The following CNTN5 variants were observed in gnomAD, a reference collection of about 807,000 sequenced individuals.
CNTN5 encodes contactin-5.
CNTN5 carries 77 observed loss-of-function variants against 129.1 expected under a neutral mutation model. The ratio of observed to expected loss-of-function variants is 0.60; its 90% CI spans 0.50 to 0.72. CNTN5 has a LOEUF of 0.72. CNTN5 is among the 30% of genes least tolerant of loss of function. The pLI is 0.00. For synonymous variants in CNTN5, 509 were observed against 465.6 expected, an observed-to-expected ratio of 1.09 and a Z score of -1.20; for missense variants, 1,478 against 1,328.8, an observed-to-expected ratio of 1.11 and a Z score of -1.75.
At position 100,191,127 on chromosome 11, in the gene CNTN5, A is replaced by G. The variant is rs201745741; in HGVS notation, c.1582A>G (p.Ile528Val). The change falls in exon 14 of 25, where the codon ATA becomes GTA. Residue 528 changes from isoleucine to valine, a missense_variant and splice_region_variant. Transcript: ENST00000524871. ...AAACTGTTTTTAAATAATTTTCAGA[A>G]TAGCTATTCTTCCAGACGGGAGTCT... is the stretch of plus-strand genomic sequence containing the variant. ...GDRAVRENKR[I>V]AILPDGSLRI... is the part of the protein sequence containing the mutation. 8 of 1,584,056 alleles carry G rather than the reference A, an allele frequency of 5.1e-6. No individual in the cohort carries two copies. Among genetic ancestry groups the G allele is most frequent in the Non-Finnish European group, 5.1e-6 (6 of 1,167,550 alleles).
Position 100,358,463 on chromosome 11 carries a change from A to T in CNTN5, c.*2243A>T, listed in dbSNP as rs1306038654. The T allele has an allele frequency of 6.6e-6, 1 of 151,890 alleles. No homozygotes were observed. Among genetic ancestry groups the T allele is most frequent in the East Asian group, 1.9e-4 (1 of 5,192 alleles). The allele number at this position is 151,890 out of a possible 1,614,324, so 9.4% of individuals were successfully genotyped here. On this transcript the variant is annotated 3_prime_UTR_variant, in exon 25 of 25. Transcript: ENST00000524871. The stretch of plus-strand genomic sequence containing the variant: ...TGTATTTTGCATCATAAACCTATTT[A>T]AAAAACAGGTTTTCAATGTTTATGT...
chr11:100,337,123 G>C, intron 21 of CNTN5: 2 of 1,414,172 alleles, frequency 1.4e-6, no homozygotes, highest in Non-Finnish European at 2.0e-6. Flanking sequence ...AACCAACATT[G>C]TTTACAAAAT....
At position 99,891,996 on chromosome 11, in the gene CNTN5, T is replaced by C. The variant is rs147331298; in HGVS notation, c.578-24058T>C. Among the ~76,000 whole-genome samples the C allele has an allele frequency of 4.8e-3, 731 of 152,268 alleles. 7 individuals are homozygous for C. The highest frequency in any genetic ancestry group is 0.016 in the African/African-American group (668 of 41,558). ...TCCACATCCTCTCCAGCATCTGTCG[T>C]TTCCTGACTTTTTAATGATCGTCAT... is the stretch of plus-strand genomic sequence containing the variant. On this transcript the variant is annotated intron_variant, in intron 6 of 24. Coordinates refer to ENST00000524871, the MANE Select transcript of CNTN5 (RefSeq NM_014361.4).
intron 2 of CNTN5, among the ~76,000 whole-genome samples, chr11:99,392,352 C>T (rs1941308260): frequency 6.6e-6 from 1 of 151,798 alleles, no homozygotes; most frequent in African/African-American, 2.4e-5. Context: ...AAAATACCCT[C>T]TCCTGTCTCC....
chr11:99,344,806 A>G (rs932393297), intron 2 of CNTN5, among the ~76,000 whole-genome samples: 1 of 152,172 alleles, frequency 6.6e-6, no homozygotes, highest in African/African-American at 2.4e-5. Flanking sequence ...CAAAAATAAG[A>G]AAAGTATGTT....
At position 99,085,117 on chromosome 11, in the gene CNTN5, T is replaced by A. The variant is rs556729931; in HGVS notation, c.-210+63847T>A. On this transcript the variant is annotated intron_variant, in intron 1 of 24. Coordinates refer to ENST00000524871, the MANE Select transcript of CNTN5 (RefSeq NM_014361.4). Reference sequence around the variant, plus strand: ...TAGAGTGCTGTGGCATAATCTCTGCTCACTGCAACCTCTGCCTCCTGGGTT... The same window carrying A: ...TAGAGTGCTGTGGCATAATCTCTGCACACTGCAACCTCTGCCTCCTGGGTT... Among the ~76,000 whole-genome samples, 4 of 152,210 alleles carry A rather than the reference T, an allele frequency of 2.6e-5. No individual in the cohort carries two copies. The East Asian group carries it at 7.7e-4, about 29-fold the overall frequency.
At chr11:99,263,881 A>G (rs1343946969) in intron 1 of CNTN5, among the ~76,000 whole-genome samples, 3 of 152,080 alleles carry the variant, frequency 2.0e-5, no homozygotes, top group Non-Finnish European at 2.9e-5. Flanking sequence ...CAAATTAGCT[A>G]AATACTACTC....
At chr11:99,709,795 A>G (rs1253149512) in intron 3 of CNTN5, among the ~76,000 whole-genome samples, 1 of 151,864 alleles carries the variant, frequency 6.6e-6, no homozygotes, top group Non-Finnish European at 1.5e-5. Flanking sequence ...AGGCAAAGAT[A>G]TTGAGGTAAT....
chr11:100,190,281 A>G (rs1237989792), intron 13 of CNTN5, among the ~76,000 whole-genome samples: 7 of 152,114 alleles, frequency 4.6e-5, no homozygotes, highest in African/African-American at 1.7e-4. Context: ...AGCCGTGTCT[A>G]TTATGTTTCA....
intron 3 of CNTN5, among the ~76,000 whole-genome samples, chr11:99,704,416 T>C (rs1314917562): frequency 6.6e-6 from 1 of 151,198 alleles, no homozygotes; most frequent in Non-Finnish European, 1.5e-5. Flanking sequence ...TTGTGCACTC[T>C]ACAACTCAGA....
At chr11:99,265,990 T>C (rs184981413) in intron 1 of CNTN5, among the ~76,000 whole-genome samples, 11 of 152,202 alleles carry the variant, frequency 7.2e-5, no homozygotes, top group Non-Finnish European at 1.5e-4. Context: ...CATAATTTAT[T>C]CTATGATACA....
At chr11:99,916,544 T>C (rs939801109) in intron 7 of CNTN5, among the ~76,000 whole-genome samples, 1 of 152,062 alleles carries the variant, frequency 6.6e-6, no homozygotes, top group Non-Finnish European at 1.5e-5. Flanking sequence ...GGATACTTAG[T>C]TGTTTATGGT....
chr11:99,264,684 G>T (rs1388601805), intron 1 of CNTN5, among the ~76,000 whole-genome samples: 2 of 151,984 alleles, frequency 1.3e-5, no homozygotes, highest in Admixed American at 6.6e-5. Context: ...CCTAAAGTTA[G>T]ATCTGTTAAA....
chr11:100,071,766 GA>G lies in CNTN5; in HGVS notation c.1363del (p.Met455CysfsTer19). ...MIHNVNQSDA[G>X]MYQCLAENKY... ...CACAATGTGAATCAATCAGATGCTG[GA>G]ATGTATCAGTGTTTGGCTGAAAATA... On this transcript the variant is annotated frameshift_variant, in exon 12 of 25. Transcript: ENST00000524871. LOFTEE classifies it high-confidence loss of function. 1 of 1,604,392 alleles carries G rather than the reference GA, an allele frequency of 6.2e-7. No homozygotes were observed. Among genetic ancestry groups the G allele is most frequent in the Non-Finnish European group, 8.5e-7 (1 of 1,174,662 alleles).
chr11:99,327,064 T>A (rs912259198), intron 2 of CNTN5, among the ~76,000 whole-genome samples: 22 of 152,174 alleles, frequency 1.4e-4, no homozygotes, highest in Non-Finnish European at 8.8e-5. Context: ...ACTCTATATT[T>A]TTTTTTACTT....
intron 3 of CNTN5, among the ~76,000 whole-genome samples, chr11:99,752,926 AAG>A (rs1220367590): frequency 6.6e-6 from 1 of 152,116 alleles, no homozygotes; most frequent in Non-Finnish European, 1.5e-5. Flanking sequence ...CCAAGAAATG[AAG>A]AGAGTCTGTA....
chr11:99,144,103 A>G (rs1033142991), intron 1 of CNTN5, among the ~76,000 whole-genome samples: 1 of 152,160 alleles, frequency 6.6e-6, no homozygotes, highest in African/African-American at 2.4e-5. Context: ...TTACATATGA[A>G]ATACATTATT....
intron 1 of CNTN5, among the ~76,000 whole-genome samples, chr11:99,284,999 C>G (rs1257552227): frequency 6.6e-6 from 1 of 151,874 alleles, no homozygotes; most frequent in African/African-American, 2.4e-5. Context: ...ATATGAATTT[C>G]TGTTTATTTT....
At position 99,486,815 on chromosome 11, in the gene CNTN5, G is replaced by T. The variant is rs151021739; in HGVS notation, c.-70-69330G>T. Among the ~76,000 whole-genome samples, 46 of 152,264 alleles carry T rather than the reference G, an allele frequency of 3.0e-4. 2 individuals are homozygous for T. Among genetic ancestry groups the T allele is most frequent in the African/African-American group, 1.0e-3 (43 of 41,554 alleles). Reference sequence around the variant, plus strand: ...GCAGAGGTTAACCATAAGTTATAAAGTGGGAAAGGAATGATGACATAGATC... The same window carrying T: ...GCAGAGGTTAACCATAAGTTATAAATTGGGAAAGGAATGATGACATAGATC... On this transcript the variant is annotated intron_variant, in intron 2 of 24. Transcript: ENST00000524871.
Sources: gnomAD v4.1 joint callset for allele counts (sites outside exome capture counted in the v4.1 genomes callset) on GRCh38, gnomAD v4.1.1 for gene constraint, MANE v1.5 for transcripts, NCBI Gene and HGNC (gene_info 2026-07-23, HGNC 2026-07-21) for gene names.